Variants in GABRG3 observed in about 807,000 individuals in gnomAD.
GABRG3 encodes gamma-aminobutyric acid type A receptor subunit gamma3, also known as gamma-aminobutyric acid receptor subunit gamma-3.
Under a neutral mutation model 48.8 loss-of-function variants are expected in GABRG3, and 25 were observed. The observed-to-expected ratio is 0.51, with a 90% CI of 0.37 to 0.72. The LOEUF (loss-of-function observed/expected upper bound fraction) is 0.72, where lower values mean the gene tolerates loss of function less well. Among genes scored for constraint, GABRG3 ranks in the 30% least tolerant of loss-of-function variants. The pLI is 0.00. For synonymous variants in GABRG3, 227 were observed against 217.6 expected (o/e 1.04, Z -0.38); for missense variants, 394 against 577.9 (o/e 0.68, Z 3.26).
At chr15:27,469,966 G>T (rs1031442907) in intron 5 of GABRG3, among the ~76,000 whole-genome samples, 1 of 152,132 alleles carries the variant, frequency 6.6e-6, no homozygotes, top group Non-Finnish European at 1.5e-5. Flanking sequence ...CTTGGCCTCT[G>T]GTGCTCCCAG....
chr15:27,058,652 G>A (rs1386940708), intron 3 of GABRG3, among the ~76,000 whole-genome samples: 3 of 150,368 alleles, frequency 2.0e-5, no homozygotes, highest in Non-Finnish European at 4.4e-5. Context: ...AAGTCAAATT[G>A]CCATATTGGA....
chr15:27,486,806 A>G (rs972788831), intron 6 of GABRG3, among the ~76,000 whole-genome samples: 3 of 152,272 alleles, frequency 2.0e-5, no homozygotes, highest in Admixed American at 6.5e-5. Flanking sequence ...TTATTGACTC[A>G]ATGTAGTTCC....
intron 3 of GABRG3, among the ~76,000 whole-genome samples, chr15:27,084,396 G>A (rs1897041950): frequency 6.6e-6 from 1 of 152,190 alleles, no homozygotes. Context: ...CCTCCAAATG[G>A]GAAATGGAGG....
Position 27,168,540 on chromosome 15 carries a change from A to T in GABRG3, c.270+141719A>T, listed in dbSNP as rs561260114. Among the ~76,000 whole-genome samples the T allele has an allele frequency of 3.9e-5, 6 of 152,328 alleles. 1 individual carries two copies. The South Asian group carries it at 1.0e-3, about 26-fold the overall frequency. On this transcript the variant is annotated intron_variant, in intron 3 of 9. Transcript: ENST00000615808. ...CACCATAAAGCCTGTCAACATAATG[A>T]ACTATCAATCCAGAGTCAGCCCATC...
In GABRG3 at chr15:27,003,857, A is replaced by AC. The variant is rs1217569527; in HGVS notation, c.203-22890dup. On this transcript the variant is annotated intron_variant, in intron 2 of 9. Coordinates refer to ENST00000615808, the MANE Select transcript of GABRG3 (RefSeq NM_033223.5). ...GTGGCTGGCCGGGCGGGGGGGGCTG[A>AC]CCCCCCCACCTCCCTCCCAGACGGG... Among the ~76,000 whole-genome samples, 153 of 111,672 alleles carry AC rather than the reference A, an allele frequency of 1.4e-3. 4 individuals are homozygous for AC. Among genetic ancestry groups the AC allele is most frequent in the African/African-American group, 4.4e-3 (124 of 28,436 alleles). The allele number at this position is 111,672 out of a possible 152,430, so 73.3% of individuals were successfully genotyped here.
Position 27,474,445 on chromosome 15 carries a change from TGG to T in GABRG3, c.575-6203_575-6202del, listed in dbSNP as rs1443985399. On this transcript the variant is annotated intron_variant, in intron 5 of 9. Coordinates refer to ENST00000615808, the MANE Select transcript of GABRG3 (RefSeq NM_033223.5). The stretch of plus-strand genomic sequence containing the variant: ...AAAAAATACCAAGAGAGGAAACAAA[TGG>T]GACAGGAGGTCTTTTCTAATGATTC... Among the ~76,000 whole-genome samples, 3 of 152,096 alleles carry T rather than the reference TGG, an allele frequency of 2.0e-5. No individual in the cohort carries two copies. The East Asian group carries it at 5.8e-4, about 29-fold the overall frequency.
chr15:27,368,687 G>C (rs1220240494), intron 5 of GABRG3, among the ~76,000 whole-genome samples: 1 of 152,176 alleles, frequency 6.6e-6, no homozygotes, highest in Non-Finnish European at 1.5e-5. Context: ...GGGGCACACA[G>C]AGTGGAACCC....
At chr15:27,051,631 C>T (rs76362730) in intron 3 of GABRG3, among the ~76,000 whole-genome samples, 105 of 152,288 alleles carry the variant, frequency 6.9e-4, no homozygotes, top group African/African-American at 2.4e-3. Context: ...GACAGTAGTC[C>T]CCAACCTTTT....
intron 3 of GABRG3, among the ~76,000 whole-genome samples, chr15:27,135,902 C>T (rs1898000271): frequency 6.6e-6 from 1 of 152,114 alleles, no homozygotes; most frequent in Non-Finnish European, 1.5e-5. Flanking sequence ...CAGACTTTGT[C>T]TCCAAAACAA....
chr15:27,445,632 A>G (rs1888921085), intron 5 of GABRG3, among the ~76,000 whole-genome samples: 1 of 152,178 alleles, frequency 6.6e-6, no homozygotes, highest in Non-Finnish European at 1.5e-5. Flanking sequence ...CATTCTGAGC[A>G]TCATTTTTTC....
At chr15:27,072,686 A>T (rs193264320) in intron 3 of GABRG3, among the ~76,000 whole-genome samples, 10 of 152,280 alleles carry the variant, frequency 6.6e-5, no homozygotes, top group Admixed American at 6.5e-4. Flanking sequence ...TGCCTTCCTC[A>T]GCCCCTGGCT....
chr15:27,527,401 C>G lies in GABRG3; in HGVS notation c.866-32C>G, dbSNP rs377256790. The G allele has an allele frequency of 3.8e-6, 6 of 1,599,696 alleles. No individual in the cohort carries two copies. The African/African-American group carries it at 6.7e-5, about 18-fold the overall frequency. ...TGGGATTCCTGTTGCGTGTTGCACC[C>G]TTTTACAACATGCTACCCGTCCCCT... On this transcript the variant is annotated intron_variant, in intron 7 of 9. Transcript: ENST00000615808.
intron 3 of GABRG3, among the ~76,000 whole-genome samples, chr15:27,248,932 C>T (rs1203077070): frequency 2.0e-5 from 3 of 152,020 alleles, no homozygotes; most frequent in Non-Finnish European, 2.9e-5. Context: ...TAACGCGAAG[C>T]CATCGGCGAC....
At chr15:27,464,269 C>G (rs1889537241) in intron 5 of GABRG3, among the ~76,000 whole-genome samples, 1 of 152,124 alleles carries the variant, frequency 6.6e-6, no homozygotes, top group African/African-American at 2.4e-5. Context: ...ACTCCCTATC[C>G]CCTTCCTCCC....
chr15:27,429,812 T>C (rs1439145252), intron 5 of GABRG3, among the ~76,000 whole-genome samples: 2 of 152,232 alleles, frequency 1.3e-5, no homozygotes, highest in Non-Finnish European at 2.9e-5. Flanking sequence ...TAGCCATGGA[T>C]CTATTCTGTG....
intron 5 of GABRG3, among the ~76,000 whole-genome samples, chr15:27,346,748 A>G (rs1183493592): frequency 3.9e-5 from 6 of 152,154 alleles, no homozygotes; most frequent in Non-Finnish European, 8.8e-5. Context: ...AAGGACATTC[A>G]TCATTTCCGT....
intron 3 of GABRG3, among the ~76,000 whole-genome samples, chr15:27,248,803 C>CAGAGAGAGAGAGAG (rs1170812736): frequency 1.3e-4 from 14 of 110,234 alleles, no homozygotes; most frequent in African/African-American, 5.1e-4. Flanking sequence ...CACACACACA[C>CAGAGAGAGAGAGAG]AGAGAGAGAG....
At chr15:27,225,758 G>T (rs1889592839) in intron 3 of GABRG3, among the ~76,000 whole-genome samples, 1 of 152,050 alleles carries the variant, frequency 6.6e-6, no homozygotes, top group Non-Finnish European at 1.5e-5. Context: ...CCCTCCACCT[G>T]CCCTGGTCTT....
intron 5 of GABRG3, among the ~76,000 whole-genome samples, chr15:27,436,305 G>A (rs1223852369): frequency 6.6e-6 from 1 of 152,122 alleles, no homozygotes; most frequent in Non-Finnish European, 1.5e-5. Flanking sequence ...GGGGGGAAGG[G>A]GCTGCATCCT....
Sources: allele counts gnomAD v4.1 joint callset (sites outside exome capture counted in the v4.1 genomes callset), GRCh38; gene constraint gnomAD v4.1.1; transcripts MANE v1.5; gene names NCBI Gene and HGNC (gene_info 2026-07-23, HGNC 2026-07-21).